The following BCL11B variants were observed in gnomAD, a reference collection of about 807,000 sequenced individuals.
BCL11B encodes the protein BCL11 transcription factor B, also known as B-cell lymphoma/leukemia 11B.
BCL11B carries 8 observed loss-of-function variants against 49.9 expected under a neutral mutation model. The ratio of observed to expected loss-of-function variants is 0.16; its 90% CI spans 0.09 to 0.29. The LOEUF (loss-of-function observed/expected upper bound fraction) is 0.29, where lower values mean the gene tolerates loss of function less well. Among genes scored for constraint, BCL11B ranks in the 10% least tolerant of loss-of-function variants. The probability of loss-of-function intolerance (pLI) is 1.00; values close to 1 mark genes in which losing one functional copy is unlikely to be tolerated. For synonymous variants in BCL11B, 739 were observed against 637.4 expected (o/e 1.16, Z -2.40); for missense variants, 1,006 against 1,351.0 (o/e 0.74, Z 4.00).
rs1476020864 is a variant in BCL11B at position 99,170,955 on chromosome 14, G to A, written c.*3196C>T. On this transcript the variant is annotated 3_prime_UTR_variant, in exon 4 of 4. Transcript: ENST00000357195. Reference sequence around the variant, plus strand: ...TGCTGGTAAGGGCGGGAGAGGTGGTGGTGGTGACCGCCACAGGAGTGATGG... The same window carrying A: ...TGCTGGTAAGGGCGGGAGAGGTGGTAGTGGTGACCGCCACAGGAGTGATGG... 1.7e-5 allele frequency: 4 copies of A among 232,592 alleles called. No individual in the cohort carries two copies. Among genetic ancestry groups the A allele is most frequent in the African/African-American group, 8.8e-5 (4 of 45,302 alleles). The allele number at this position is 232,592 out of a possible 1,614,324, so 14.4% of individuals were successfully genotyped here. A position where few individuals can be genotyped will look rare whatever the true frequency, so the allele number is the denominator to read the frequency against.
chr14:99,257,909 A>T lies in BCL11B; in HGVS notation c.59-70T>A. 1.4e-6 allele frequency: 2 copies of T among 1,423,604 alleles called. No individual in the cohort carries two copies. The highest frequency in any genetic ancestry group is 1.7e-5 in the South Asian group (1 of 57,802). The allele number at this position is 1,423,604 out of a possible 1,614,324, so 88.2% of individuals were successfully genotyped here. On this transcript the variant is annotated intron_variant, in intron 1 of 3. Coordinates refer to ENST00000357195, the MANE Select transcript of BCL11B (RefSeq NM_138576.4). This position sits in a 1 kb window ranked among gnomAD's most constrained non-coding sequence, Gnocchi z 6.2. ...TGGGCTTAGGCGGTCACAGCACCCA[A>T]CTTCCGGTCCACCCCTTCCCCGCCA... is the stretch of plus-strand genomic sequence containing the variant.
chr14:99,177,140 G>A (rs535470850), intron 3 of BCL11B, among the ~76,000 whole-genome samples: 12 of 151,980 alleles, frequency 7.9e-5, no homozygotes, highest in Admixed American at 6.5e-4. Flanking sequence ...CCCAAACACC[G>A]CTTGGAATTC....
At position 99,231,529 on chromosome 14, in the gene BCL11B, C is replaced by T. The variant is rs765337388; in HGVS notation, c.456G>A (p.Ala152=). The change falls in exon 3 of 4, where the codon GCG becomes GCA. Residue 152 remains alanine, a synonymous_variant. Coordinates refer to ENST00000357195, the MANE Select transcript of BCL11B (RefSeq NM_138576.4). The surrounding 1 kb of genome is among the most constrained non-coding windows in gnomAD (Gnocchi z 8.1). Reference sequence around the variant, plus strand: ...GGGAGGAGGCAGCTATGGGGGCCACCGCTGGCAGCTGGGCAGGCCTGCACG... The same window carrying T: ...GGGAGGAGGCAGCTATGGGGGCCACTGCTGGCAGCTGGGCAGGCCTGCACG... ...AGPCRPAQLP[A]VAPIAASSHP... 2 of 1,591,046 alleles carry T rather than the reference C, an allele frequency of 1.3e-6. No individual in the cohort carries two copies. The highest frequency in any genetic ancestry group is 2.3e-5 in the East Asian group (1 of 43,854).
chr14:99,223,243 C>T (rs1036366210), intron 3 of BCL11B, among the ~76,000 whole-genome samples: 1 of 152,168 alleles, frequency 6.6e-6, no homozygotes, highest in African/African-American at 2.4e-5. Context: ...CATTTTTCCC[C>T]ATGGAAGATA....
rs181900696 is a variant in BCL11B, at chr14:99,220,281, A to G, written c.640+11064T>C. Among the ~76,000 whole-genome samples, 456 of 152,330 alleles carry G rather than the reference A, an allele frequency of 3.0e-3. 1 individual carries two copies. Among genetic ancestry groups the G allele is most frequent in the Admixed American group, 5.2e-3 (80 of 15,302 alleles). ...GAACTGAAAGCAAGGATTCAAACAG[A>G]TTATTGTCCACCCACGTTCTTAGCT... On this transcript the variant is annotated intron_variant, in intron 3 of 3. Transcript: ENST00000357195.
intron 3 of BCL11B, among the ~76,000 whole-genome samples, chr14:99,177,593 A>G (rs2139765852): frequency 6.9e-6 from 1 of 145,226 alleles, no homozygotes; most frequent in Admixed American, 6.9e-5. Context: ...ATCCAGCAGA[A>G]GACATGGCAT....
chr14:99,190,253 C>A (rs914268435), intron 3 of BCL11B, among the ~76,000 whole-genome samples: 5 of 152,178 alleles, frequency 3.3e-5, no homozygotes, highest in African/African-American at 1.2e-4. Context: ...CTTTGGGAGG[C>A]CAAAGCGGGC....
At chr14:99,263,492 C>T (rs1595084907) in intron 1 of BCL11B, among the ~76,000 whole-genome samples, 1 of 152,320 alleles carries the variant, frequency 6.6e-6, no homozygotes, top group Admixed American at 6.5e-5. Flanking sequence ...AACTCCAGAT[C>T]CGTGAAGAGG....
intron 2 of BCL11B, among the ~76,000 whole-genome samples, chr14:99,252,150 C>A (rs2139941094): frequency 1.3e-5 from 2 of 152,272 alleles, no homozygotes; most frequent in Middle Eastern, 3.4e-3. Flanking sequence ...AGGGCCATGT[C>A]CCTCAGACAG....
At chr14:99,217,381 T>TACAGACACACACACACACATACAGAC (rs1566814738) in intron 3 of BCL11B, among the ~76,000 whole-genome samples, 4 of 115,290 alleles carry the variant, frequency 3.5e-5, no homozygotes, top group African/African-American at 1.4e-4. Flanking sequence ...TACACACACA[T>TACAGACACACACACACACATACAGAC]ACAGACACAC....
chr14:99,181,725 A>G (rs1190017305), intron 3 of BCL11B, among the ~76,000 whole-genome samples: 1 of 152,204 alleles, frequency 6.6e-6, no homozygotes, highest in East Asian at 1.9e-4. Flanking sequence ...ATGACACGTC[A>G]CTGGGGACCT....
chr14:99,269,478 A>C, intron 1 of BCL11B, among the ~76,000 whole-genome samples: 1 of 149,998 alleles, frequency 6.7e-6, no homozygotes, highest in African/African-American at 2.5e-5. Flanking sequence ...CCAAAGAGGC[A>C]TCCCTCTCCC....
intron 3 of BCL11B, among the ~76,000 whole-genome samples, chr14:99,189,152 T>C (rs1886948732): frequency 6.6e-6 from 1 of 152,248 alleles, no homozygotes; most frequent in African/African-American, 2.4e-5. Context: ...CAGCTCTATT[T>C]AATCACCCCA....
intron 3 of BCL11B, among the ~76,000 whole-genome samples, chr14:99,214,413 C>T (rs574331237): frequency 1.6e-3 from 245 of 152,156 alleles, no homozygotes; most frequent in Non-Finnish European, 2.9e-3. Flanking sequence ...AAAAAATTAG[C>T]TGGGCATGGT....
chr14:99,245,238 A>T (rs1595069770), intron 2 of BCL11B, among the ~76,000 whole-genome samples: 1 of 152,244 alleles, frequency 6.6e-6, no homozygotes. Context: ...GACGATTTGC[A>T]TACAAATTCT....
intron 3 of BCL11B, among the ~76,000 whole-genome samples, chr14:99,187,442 C>CCTGAAAAGG (rs1886885580): frequency 6.6e-6 from 1 of 152,052 alleles, no homozygotes; most frequent in South Asian, 2.1e-4. Context: ...TGTGAACTTC[C>CCTGAAAAGG]CTGAAAAGGG....
chr14:99,171,486 C>T lies in BCL11B; in HGVS notation c.*2665G>A. On this transcript the variant is annotated 3_prime_UTR_variant, in exon 4 of 4. Coordinates refer to ENST00000357195, the MANE Select transcript of BCL11B (RefSeq NM_138576.4). Reference sequence around the variant, plus strand: ...CATTAAATCCCTTTAAAAGGACAAGCTTACAGTTAAAAAATTACGAGCTCC... The same window carrying T: ...CATTAAATCCCTTTAAAAGGACAAGTTTACAGTTAAAAAATTACGAGCTCC... 1 of 209,638 alleles carries T rather than the reference C, an allele frequency of 4.8e-6. No individual in the cohort carries two copies. Among genetic ancestry groups the T allele is most frequent in the Non-Finnish European group, 9.7e-6 (1 of 103,196 alleles). The allele number at this position is 209,638 out of a possible 1,614,324, so 13.0% of individuals were successfully genotyped here. A position where few individuals can be genotyped will look rare whatever the true frequency, so the allele number is the denominator to read the frequency against.
rs749837100 is a variant in BCL11B, at chr14:99,176,151, G to C, written c.685C>G (p.Pro229Ala). The change falls in exon 4 of 4, where the codon CCC (proline) becomes GCC (alanine). Residue 229 changes from proline to alanine, a missense_variant. By Grantham distance (27) the Pro-to-Ala change is conservative. Transcript: ENST00000357195. ...SSYICTTCKQ[P>A]FNSAWFLLQH... Reference sequence around the variant, plus strand: ...AGCAGGAACCACGCGCTGTTGAAGGGCTGCTTGCATGTTGTGCAAATGTAG... The same window carrying C: ...AGCAGGAACCACGCGCTGTTGAAGGCCTGCTTGCATGTTGTGCAAATGTAG... 1 of 1,612,366 alleles carries C rather than the reference G, an allele frequency of 6.2e-7. No individual in the cohort carries two copies. The highest frequency in any genetic ancestry group is 8.5e-7 in the Non-Finnish European group (1 of 1,179,094).
chr14:99,200,481 C>T (rs1887346007), intron 3 of BCL11B, among the ~76,000 whole-genome samples: 1 of 152,268 alleles, frequency 6.6e-6, no homozygotes. Flanking sequence ...CATCTGCTGA[C>T]ATCTGGAAGC....
Sources: allele counts gnomAD v4.1 joint callset (sites outside exome capture counted in the v4.1 genomes callset), GRCh38; gene constraint gnomAD v4.1.1; non-coding constraint Gnocchi (gnomAD v3.1); transcripts MANE v1.5; gene names NCBI Gene and HGNC (gene_info 2026-07-23, HGNC 2026-07-21).